The following IPCEF1 variants were observed in gnomAD, a reference collection of about 807,000 sequenced individuals.
IPCEF1 encodes the protein interactor protein for cytohesin exchange factors 1.
In IPCEF1, 31 loss-of-function variants were observed where a neutral mutation model predicts 50.9. The observed-to-expected ratio is 0.61, with a 90% CI of 0.46 to 0.82. IPCEF1 has a LOEUF of 0.82. Among genes scored for constraint, IPCEF1 ranks in the 40% least tolerant of loss-of-function variants. The pLI, the probability that IPCEF1 is intolerant of heterozygous loss-of-function variation, is 0.00. For missense variants in IPCEF1, 458 were observed against 514.0 expected (o/e 0.89, Z 1.05); for synonymous variants, 181 against 192.0 (o/e 0.94, Z 0.47).
intron 5 of IPCEF1, among the ~76,000 whole-genome samples, chr6:154,239,859 C>T (rs1235698709): frequency 6.6e-6 from 1 of 152,122 alleles, no homozygotes; most frequent in Non-Finnish European, 1.5e-5. Context: ...ATATCCACCA[C>T]GCTTGGCTAA....
intron 5 of IPCEF1, among the ~76,000 whole-genome samples, chr6:154,226,387 A>T (rs1034165491): frequency 2.0e-5 from 3 of 152,160 alleles, no homozygotes; most frequent in East Asian, 3.8e-4. Flanking sequence ...TTACTCCATA[A>T]AATGCCCACT....
intron 1 of IPCEF1, among the ~76,000 whole-genome samples, chr6:154,330,921 G>A (rs906527656): frequency 2.4e-4 from 37 of 152,146 alleles, no homozygotes; most frequent in African/African-American, 8.4e-4. Flanking sequence ...AGGTAGCTAG[G>A]CAGACATGAG....
intron 9 of IPCEF1, among the ~76,000 whole-genome samples, chr6:154,208,915 C>T (rs1184957949): frequency 2.0e-5 from 3 of 152,222 alleles, no homozygotes; most frequent in African/African-American, 7.2e-5. Context: ...AAGCTGCCCA[C>T]TTGCAACTTC....
At chr6:154,336,611 CT>C (rs564400883) in intron 1 of IPCEF1, among the ~76,000 whole-genome samples, 4 of 150,326 alleles carry the variant, frequency 2.7e-5, no homozygotes, top group Non-Finnish European at 5.9e-5. Flanking sequence ...TCTTTTTTTT[CT>C]TTTTTTTTGA....
chr6:154,351,005 C>T (rs1269319556), intron 1 of IPCEF1, among the ~76,000 whole-genome samples: 3 of 152,192 alleles, frequency 2.0e-5, no homozygotes, highest in Non-Finnish European at 2.9e-5. Flanking sequence ...CAGGCATCAA[C>T]CACCCCACCT....
intron 1 of IPCEF1, among the ~76,000 whole-genome samples, chr6:154,353,770 T>A (rs1343571203): frequency 6.6e-6 from 1 of 152,238 alleles, no homozygotes; most frequent in East Asian, 1.9e-4. Context: ...ATCTTGCTTC[T>A]CTGCAGTATT....
intron 11 of IPCEF1, 53 bp downstream of exon 11, chr6:154,167,867 C>G (rs1799563623): frequency 3.0e-6 from 4 of 1,340,964 alleles, no homozygotes; most frequent in Non-Finnish European, 4.1e-6. Context: ...GCAGAACCAG[C>G]CGTTCCTTGC....
At chr6:154,349,106 G>A (rs531247355) in intron 1 of IPCEF1, among the ~76,000 whole-genome samples, 34 of 152,020 alleles carry the variant, frequency 2.2e-4, no homozygotes, top group African/African-American at 8.2e-4. Context: ...AGTGAATAAT[G>A]TTAAATTAAG....
At chr6:154,222,875 A>G (rs972906613) in intron 6 of IPCEF1, 6 of 390,966 alleles carry the variant, frequency 1.5e-5, no homozygotes, top group Non-Finnish European at 2.4e-5. Flanking sequence ...TTGACATCTG[A>G]CCTCCCTGCC....
intron 1 of IPCEF1, among the ~76,000 whole-genome samples, chr6:154,302,962 AAT>A (rs1782834989): frequency 6.6e-6 from 1 of 152,262 alleles, no homozygotes; most frequent in African/African-American, 2.4e-5. Flanking sequence ...GCAACACCCA[AAT>A]ATATGGATCA....
chr6:154,315,456 G>A (rs1364588815), intron 1 of IPCEF1, among the ~76,000 whole-genome samples: 1 of 152,162 alleles, frequency 6.6e-6, no homozygotes, highest in African/African-American at 2.4e-5. Flanking sequence ...TGAGTTACAA[G>A]TAGCCCAGAT....
chr6:154,224,211 G>A (rs1024995664), intron 5 of IPCEF1, among the ~76,000 whole-genome samples: 1 of 152,202 alleles, frequency 6.6e-6, no homozygotes, highest in African/African-American at 2.4e-5. Context: ...TTACAAGTCA[G>A]CTAGCTATTA....
chr6:154,258,989 C>T (rs897352098), intron 3 of IPCEF1, among the ~76,000 whole-genome samples: 1 of 152,200 alleles, frequency 6.6e-6, no homozygotes, highest in African/African-American at 2.4e-5. Flanking sequence ...TGATGCCTTC[C>T]TATGTGCCTG....
At chr6:154,342,587 A>ATTT (rs1374204704) in intron 1 of IPCEF1, among the ~76,000 whole-genome samples, 2 of 151,798 alleles carry the variant, frequency 1.3e-5, no homozygotes, top group African/African-American at 4.8e-5. Context: ...ACACCTGGCA[A>ATTT]TTTTTTTCAA....
chr6:154,172,403 A>G (rs1382801031), intron 10 of IPCEF1, among the ~76,000 whole-genome samples: 2 of 152,182 alleles, frequency 1.3e-5, no homozygotes, highest in Non-Finnish European at 2.9e-5. Context: ...AGCCATGAGT[A>G]ACCGTACCTG....
At chr6:154,302,264 G>C (rs1782814924) in intron 1 of IPCEF1, among the ~76,000 whole-genome samples, 1 of 152,208 alleles carries the variant, frequency 6.6e-6, no homozygotes, top group African/African-American at 2.4e-5. Context: ...AGGTTCTGCT[G>C]TCAGAAATCT....
intron 10 of IPCEF1, among the ~76,000 whole-genome samples, chr6:154,184,650 A>T (rs560554425): frequency 2.0e-4 from 31 of 152,302 alleles, no homozygotes; most frequent in African/African-American, 7.2e-4. Flanking sequence ...CCTATAACAG[A>T]TATTACCAAT....
At chr6:154,246,551 A>G in intron 5 of IPCEF1, 40 bp downstream of exon 5, 1 of 1,578,382 alleles carries the variant, frequency 6.3e-7, no homozygotes. Context: ...CGTATCCCTC[A>G]TTAAAACGGC....
chr6:154,329,849 G>A (rs542413129), intron 1 of IPCEF1, among the ~76,000 whole-genome samples: 2 of 152,290 alleles, frequency 1.3e-5, no homozygotes, highest in African/African-American at 4.8e-5. Flanking sequence ...CCTGACATCA[G>A]GAAATGCTCA....
Sources: allele counts gnomAD v4.1 joint callset (sites outside exome capture counted in the v4.1 genomes callset), GRCh38; gene constraint gnomAD v4.1.1; transcripts MANE v1.5; gene names NCBI Gene and HGNC (gene_info 2026-07-23, HGNC 2026-07-21).